FOXP2: variants seen among roughly 807,000 people sequenced by gnomAD.
FOXP2 encodes the protein forkhead box P2.
In FOXP2, 12 loss-of-function variants were observed where a neutral mutation model predicts 115.8. That is an observed-to-expected ratio of 0.10 (90% CI 0.07 to 0.17). The LOEUF (loss-of-function observed/expected upper bound fraction) is 0.17. FOXP2 is among the 10% of genes least tolerant of loss of function. The probability of loss-of-function intolerance (pLI) is 1.00; values close to 1 mark genes in which losing one functional copy is unlikely to be tolerated. For synonymous variants in FOXP2, 328 were observed against 297.7 expected, an observed-to-expected ratio of 1.10 and a Z score of -1.05; for missense variants, 629 against 843.5, an observed-to-expected ratio of 0.75 and a Z score of 3.15.
chr7:114,493,121 A>G (rs991484153), intron 2 of FOXP2, among the ~76,000 whole-genome samples: 3 of 152,170 alleles, frequency 2.0e-5, no homozygotes, highest in Non-Finnish European at 4.4e-5. Context: ...CATTTAGGAC[A>G]GTTAGCTCTT....
At chr7:114,387,383 G>A (rs551773004) in intron 2 of FOXP2, among the ~76,000 whole-genome samples, 2 of 152,282 alleles carry the variant, frequency 1.3e-5, no homozygotes, top group East Asian at 3.9e-4. Context: ...GTACAATGCT[G>A]ATGCCACTTT....
intron 1 of FOXP2, among the ~76,000 whole-genome samples, chr7:114,125,100 C>G (rs1791672606): frequency 6.6e-6 from 1 of 152,074 alleles, no homozygotes; most frequent in Admixed American, 6.6e-5. Context: ...CAGCCTTTGG[C>G]TAGTTTGTGA....
intron 1 of FOXP2, among the ~76,000 whole-genome samples, chr7:114,243,516 A>G (rs910529508): frequency 6.6e-6 from 1 of 152,094 alleles, no homozygotes; most frequent in Non-Finnish European, 1.5e-5. Flanking sequence ...GAATGGGATC[A>G]TTTTTGGCAC....
rs1189928422 is a variant in FOXP2 at position 114,342,439 on chromosome 7, C to A, written c.-11+54330C>A. On this transcript the variant is annotated intron_variant, in intron 2 of 17. Transcript: ENST00000634411. ...ATACAGACTTTCCTAATCATTGGAC[C>A]TTTTCATATTTTATCTTATTACATT... 3.3e-5 allele frequency among the ~76,000 whole-genome samples: 5 copies of A among 151,214 alleles called. No individual in the cohort carries two copies. The Admixed American group carries it at 3.3e-4, about 10-fold the overall frequency.
Position 114,138,414 on chromosome 7 carries a change from C to G in FOXP2, c.-246-24530C>G, listed in dbSNP as rs1319442920. ...TATTCTTTTTTTTTTTTTTTTGAAA[C>G]AGAGTCTCACACTGTCGCCTGGGCT... On this transcript the variant is annotated intron_variant, in intron 1 of 19. Coordinates refer to the FOXP2 transcript ENST00000635638. Among the ~76,000 whole-genome samples the G allele has an allele frequency of 2.6e-5, 3 of 113,942 alleles. 1 individual carries two copies. The allele number at this position is 113,942 out of a possible 152,430, so 74.8% of individuals were successfully genotyped here. A position where few individuals can be genotyped will look rare whatever the true frequency, so the allele number is the denominator to read the frequency against.
chr7:114,437,426 A>G (rs1794405377), intron 2 of FOXP2, among the ~76,000 whole-genome samples: 1 of 152,206 alleles, frequency 6.6e-6, no homozygotes, highest in African/African-American at 2.4e-5. Context: ...TGCTATTATC[A>G]TGGAAATATT....
chr7:114,200,825 A>T (rs1191126749), intron 1 of FOXP2, among the ~76,000 whole-genome samples: 1 of 152,146 alleles, frequency 6.6e-6, no homozygotes. Context: ...CTTTTTTCTA[A>T]ACATTGACCA....
chr7:114,412,528 C>A (rs935132740), upstream of FOXP2, among the ~76,000 whole-genome samples: 5 of 152,084 alleles, frequency 3.3e-5, no homozygotes, highest in African/African-American at 1.2e-4. Context: ...GAGGTATTTG[C>A]ATTAGTTAAT....
At chr7:114,570,686 AT>A in intron 3 of FOXP2, 1 of 754,588 alleles carries the variant, frequency 1.3e-6, no homozygotes, top group South Asian at 1.5e-5. Context: ...ATTCTTCCCT[AT>A]TTTGACCTAC....
intron 3 of FOXP2, among the ~76,000 whole-genome samples, chr7:114,544,037 A>T (rs935079115): frequency 2.0e-5 from 3 of 152,050 alleles, no homozygotes; most frequent in Non-Finnish European, 4.4e-5. Context: ...CTTTTTCTTA[A>T]TAGAGGCAAA....
At chr7:114,238,446 A>G (rs1476673927) in intron 1 of FOXP2, among the ~76,000 whole-genome samples, 1 of 152,186 alleles carries the variant, frequency 6.6e-6, no homozygotes, top group Non-Finnish European at 1.5e-5. Flanking sequence ...AATTAGGATG[A>G]AAAATAGAAA....
chr7:114,153,494 T>C (rs1252786859), intron 1 of FOXP2, among the ~76,000 whole-genome samples: 1 of 152,162 alleles, frequency 6.6e-6, no homozygotes, highest in Admixed American at 6.6e-5. Flanking sequence ...TTTAAATGTG[T>C]TTCTTCTGAC....
chr7:114,477,202 C>A (rs1417022954), intron 2 of FOXP2, among the ~76,000 whole-genome samples: 1 of 151,946 alleles, frequency 6.6e-6, no homozygotes, highest in African/African-American at 2.4e-5. Flanking sequence ...AAAAAATAAG[C>A]ACCCATATGT....
rs566258436 is a variant in FOXP2 at position 114,405,299 on chromosome 7, G to T, written c.-10-21203G>T. Reference sequence around the variant, plus strand: ...TATAAAAGCAGTAATTCATTCAGAAGTGAAAATTCACTTAAACGATTTCAC... The same window carrying T: ...TATAAAAGCAGTAATTCATTCAGAATTGAAAATTCACTTAAACGATTTCAC... On this transcript the variant is annotated intron_variant, in intron 2 of 17. Coordinates refer to the FOXP2 transcript ENST00000634411. 3.9e-4 allele frequency among the ~76,000 whole-genome samples: 59 copies of T among 151,972 alleles called. 1 individual carries two copies. The highest frequency in any genetic ancestry group is 1.3e-3 in the African/African-American group (55 of 41,542).
intron 16 of FOXP2, 23 bp downstream of exon 16, chr7:114,664,459 C>T (rs780183913): frequency 1.2e-6 from 2 of 1,612,800 alleles, no homozygotes; most frequent in South Asian, 1.1e-5. Flanking sequence ...AACAGACTCT[C>T]TAAAGGGAAG....
intron 2 of FOXP2, among the ~76,000 whole-genome samples, chr7:114,356,179 T>C (rs1434552763): frequency 6.6e-6 from 1 of 152,136 alleles, no homozygotes; most frequent in African/African-American, 2.4e-5. Flanking sequence ...AGTTGGTAAG[T>C]AAGTAAATAA....
Position 114,493,992 on chromosome 7 carries a change from C to T in FOXP2, c.169-40625C>T, listed in dbSNP as rs561699883. On this transcript the variant is annotated intron_variant, in intron 2 of 16. Coordinates refer to ENST00000350908, the MANE Select transcript of FOXP2 (RefSeq NM_014491.4). ...TTCTATAATTCTAATGTCAACAGTT[C>T]TTCTTTCTATGCTGTCAGAATGAGG... is the stretch of plus-strand genomic sequence containing the variant. Among the ~76,000 whole-genome samples, 8 of 146,848 alleles carry T rather than the reference C, an allele frequency of 5.4e-5. No homozygotes were observed. In the East Asian group the frequency reaches 1.5e-3, roughly 28 times the overall value.
At chr7:114,399,372 T>C (rs1792821830) in intron 2 of FOXP2, among the ~76,000 whole-genome samples, 1 of 152,182 alleles carries the variant, frequency 6.6e-6, no homozygotes, top group Admixed American at 6.6e-5. Context: ...CCTCTCAAAG[T>C]GCTAGGATTA....
intron 2 of FOXP2, among the ~76,000 whole-genome samples, chr7:114,523,758 A>T (rs1175744182): frequency 6.6e-6 from 1 of 152,098 alleles, no homozygotes; most frequent in Admixed American, 6.6e-5. Flanking sequence ...TTTGCTATCC[A>T]TTAATAACCT....
Sources: gnomAD v4.1 joint callset for allele counts (sites outside exome capture counted in the v4.1 genomes callset) on GRCh38, gnomAD v4.1.1 for gene constraint, MANE v1.5 for transcripts, NCBI Gene and HGNC (gene_info 2026-07-23, HGNC 2026-07-21) for gene names.